The following IFI27 variants were observed in gnomAD, a reference collection of about 807,000 sequenced individuals.
IFI27 encodes interferon alpha-inducible protein 27, mitochondrial.
In IFI27, 3 loss-of-function variants were observed where a neutral mutation model predicts 8.9. The ratio of observed to expected loss-of-function variants is 0.34; its 90% CI spans 0.15 to 0.87. The LOEUF (loss-of-function observed/expected upper bound fraction) is 0.87. Ranked by LOEUF, IFI27 falls within the 40% of genes least tolerant of loss-of-function variation. The pLI, the probability that IFI27 is intolerant of heterozygous loss-of-function variation, is 0.51. For synonymous variants in IFI27, 66 were observed against 67.3 expected (o/e 0.98, Z 0.09); for missense variants, 152 against 157.7 (o/e 0.96, Z 0.19).
chr14:94,116,034 A>T lies in IFI27; in HGVS notation c.283+92A>T. ...CCCAATCTCAACCCTATGAACCTCA[A>T]TCTCCCTGTTCCTCTGTCTCTCTCT... On this transcript the variant is annotated intron_variant, in intron 4 of 4. Transcript: ENST00000621160. This position sits in a 1 kb window ranked among gnomAD's most constrained non-coding sequence, Gnocchi z 4.3. 8.3e-7 allele frequency: 1 copy of T among 1,205,066 alleles called. No individual in the cohort carries two copies. Among genetic ancestry groups the T allele is most frequent in the South Asian group, 1.3e-5 (1 of 77,308 alleles). 74.6% of individuals were successfully genotyped at this position (1,205,066 alleles called of 1,614,324 possible).
rs1294107580 is a variant in IFI27, at chr14:94,111,731, G to A, written c.49G>A (p.Val17Met). 6.2e-7 allele frequency: 1 copy of A among 1,614,232 alleles called. No homozygotes were observed. Among genetic ancestry groups the A allele is most frequent in the South Asian group, 1.1e-5 (1 of 91,088 alleles). The change falls in exon 2 of 5, where the codon GTG (valine) becomes ATG (methionine). Residue 17 changes from valine (V) to methionine (M), a missense_variant. Val to Met is a conservative substitution (Grantham distance 21). Transcript: ENST00000621160. This position sits in a 1 kb window ranked among gnomAD's most constrained non-coding sequence, Gnocchi z 4.3. ...ATCAGCAGTGACCAGTGTGGCCAAA[G>A]TGGTCAGGGTGGCCTCTGGCTCTGC...
intron 2 of IFI27, chr14:94,113,074 TAAG>T (rs1887252713): frequency 1.3e-5 from 2 of 152,228 alleles, no homozygotes; most frequent in Admixed American, 1.3e-4. Flanking sequence ...CAGAGGAAGA[TAAG>T]AAGATAATAT....
chr14:94,116,632 A>G lies in IFI27; in HGVS notation c.*105A>G. 1.3e-6 allele frequency: 1 copy of G among 749,608 alleles called. No homozygotes were observed. Among genetic ancestry groups the G allele is most frequent in the Non-Finnish European group, 2.3e-6 (1 of 429,992 alleles). 46.4% of individuals were successfully genotyped at this position (749,608 alleles called of 1,614,324 possible). A position where few individuals can be genotyped will look rare whatever the true frequency, so the allele number is the denominator to read the frequency against. On this transcript the variant is annotated 3_prime_UTR_variant, in exon 5 of 5. Coordinates refer to ENST00000621160, the Ensembl canonical transcript of IFI27. This position sits in a 1 kb window ranked among gnomAD's most constrained non-coding sequence, Gnocchi z 4.3. ...AACTATCCCAAATATACCTGGGGTG[A>G]AATATACCAAATTCTGCATCTCCAG...
chr14:94,114,956 C>A, intron 3 of IFI27, 76 bp downstream of exon 3: 6 of 1,346,772 alleles, frequency 4.5e-6, no homozygotes, highest in Middle Eastern at 1.8e-4. Flanking sequence ...TGGCCTTGTC[C>A]ATGCCAATGT....
At chr14:94,114,593 C>A in intron 2 of IFI27, 1 of 525,486 alleles carries the variant, frequency 1.9e-6, no homozygotes, top group Non-Finnish European at 3.4e-6. Context: ...TTCCCCCGAT[C>A]AACCAACCAA....
Position 94,111,562 on chromosome 14 carries a change from G to C in IFI27, c.-58-63G>C, listed in dbSNP as rs571626073. Reference sequence around the variant, plus strand: ...CCCTGGAGCCCGTCACATTTTTCAGGACAGTGGGAAGCAAGTCAGGTTGTG... The same window carrying C: ...CCCTGGAGCCCGTCACATTTTTCAGCACAGTGGGAAGCAAGTCAGGTTGTG... On this transcript the variant is annotated intron_variant, in intron 1 of 4. Coordinates refer to ENST00000621160, the Ensembl canonical transcript of IFI27. The surrounding 1 kb of genome is among the most constrained non-coding windows in gnomAD (Gnocchi z 4.3). 448 of 780,628 alleles carry C rather than the reference G, an allele frequency of 5.7e-4. No homozygotes were observed. Among genetic ancestry groups the C allele is most frequent in the Non-Finnish European group, 4.3e-4 (192 of 449,226 alleles). The allele number at this position is 780,628 out of a possible 1,614,324, so 48.4% of individuals were successfully genotyped here. A position where few individuals can be genotyped will look rare whatever the true frequency, so the allele number is the denominator to read the frequency against.
chr14:94,109,803 G>A (rs921620612), upstream of IFI27, among the ~76,000 whole-genome samples: 77 of 152,294 alleles, frequency 5.1e-4, no homozygotes, highest in African/African-American at 1.7e-3. Flanking sequence ...CTTACAACTC[G>A]CACACTACTC....
At chr14:94,115,248 G>A (rs1222036001) in intron 3 of IFI27, 2 of 578,238 alleles carry the variant, frequency 3.5e-6, no homozygotes, top group South Asian at 1.5e-5. Context: ...GGATTGCATA[G>A]GGTGAAACAA....
intron 3 of IFI27, 25 bp from the exon 4 acceptor site, chr14:94,115,756 C>G (rs765700532): frequency 1.3e-6 from 2 of 1,599,502 alleles, no homozygotes; most frequent in African/African-American, 1.3e-5. Flanking sequence ...AGCCCACGCA[C>G]CGACCCAGCT....
At chr14:94,115,331 G>C (rs184037703) in intron 3 of IFI27, 2 of 519,666 alleles carry the variant, frequency 3.8e-6, no homozygotes, top group East Asian at 5.2e-5. Context: ...CTTCCAGTGT[G>C]CTCTGTGGCA....
At chr14:94,110,017 A>G (rs1887110556), upstream of IFI27, among the ~76,000 whole-genome samples, 1 of 152,056 alleles carries the variant, frequency 6.6e-6, no homozygotes, top group Non-Finnish European at 1.5e-5. Context: ...CAGGGCCTGG[A>G]TCCCTGTTAA....
intron 3 of IFI27, chr14:94,115,388 C>T: frequency 5.6e-6 from 3 of 533,464 alleles, no homozygotes; most frequent in South Asian, 3.1e-5. Flanking sequence ...TCTGAATGTG[C>T]CTCTTACATA....
At position 94,116,561 on chromosome 14, in the gene IFI27, A is replaced by G. The variant is rs1342299683; in HGVS notation, c.*34A>G. 10 of 1,554,556 alleles carry G rather than the reference A, an allele frequency of 6.4e-6. No homozygotes were observed. The highest frequency in any genetic ancestry group is 7.9e-6 in the Non-Finnish European group (9 of 1,133,376). ...CCCTCGCCCTGCAGAGAAGAGAACC[A>G]TGCCAGGGGAGAAGGCACCCAGCCA... On this transcript the variant is annotated 3_prime_UTR_variant, in exon 5 of 5. Coordinates refer to ENST00000621160, the Ensembl canonical transcript of IFI27. This position sits in a 1 kb window ranked among gnomAD's most constrained non-coding sequence, Gnocchi z 4.3.
chr14:94,110,968 G>T lies in IFI27; in HGVS notation c.-59+171G>T, dbSNP rs542621119. The T allele has an allele frequency of 3.8e-4, 58 of 154,532 alleles. 1 individual carries two copies. Among genetic ancestry groups the T allele is most frequent in the African/African-American group, 1.3e-3 (54 of 41,640 alleles). 9.6% of individuals were successfully genotyped at this position (154,532 alleles called of 1,614,324 possible). The stretch of plus-strand genomic sequence containing the variant: ...GGGACTCGAGCCCCACCTGTCCCTG[G>T]ACTCTGGAATGTAAGGACAATTAGC... On this transcript the variant is annotated intron_variant, in intron 1 of 4. Coordinates refer to ENST00000621160, the Ensembl canonical transcript of IFI27.
At chr14:94,112,113 T>C (rs564519396) in intron 2 of IFI27, 117 of 373,248 alleles carry the variant, frequency 3.1e-4, no homozygotes, top group Admixed American at 3.1e-4. Context: ...TCATCTCCTT[T>C]AGGAGTTTAC....
In IFI27 at chr14:94,116,247, TG is replaced by T; in HGVS notation, c.284-190del. 1 of 647,930 alleles carries T rather than the reference TG, an allele frequency of 1.5e-6. No homozygotes were observed. Among genetic ancestry groups the T allele is most frequent in the Admixed American group, 2.3e-5 (1 of 43,738 alleles). 40.1% of individuals were successfully genotyped at this position (647,930 alleles called of 1,614,324 possible). A position where few individuals can be genotyped will look rare whatever the true frequency, so the allele number is the denominator to read the frequency against. ...CTGCTTCTAGCTCTGGAGTTCACCA[TG>T]GGGGTTCATGCCTGCAGCAGCCTCT... On this transcript the variant is annotated intron_variant, in intron 4 of 4. Transcript: ENST00000621160. The surrounding 1 kb of genome is among the most constrained non-coding windows in gnomAD (Gnocchi z 4.3).
In IFI27 at chr14:94,111,736, C is replaced by G; in HGVS notation, c.54C>G (p.Val18=). 2.5e-6 allele frequency: 4 copies of G among 1,614,240 alleles called. No individual in the cohort carries two copies. The highest frequency in any genetic ancestry group is 3.4e-6 in the Non-Finnish European group (4 of 1,180,018). Reference sequence around the variant, plus strand: ...CAGTGACCAGTGTGGCCAAAGTGGTCAGGGTGGCCTCTGGCTCTGCCGTAG... The same window carrying G: ...CAGTGACCAGTGTGGCCAAAGTGGTGAGGGTGGCCTCTGGCTCTGCCGTAG... The change falls in exon 2 of 5, where the codon GTC becomes GTG. Residue 18 remains valine, a synonymous_variant. Coordinates refer to ENST00000621160, the Ensembl canonical transcript of IFI27. The surrounding 1 kb of genome is among the most constrained non-coding windows in gnomAD (Gnocchi z 4.3).
upstream of IFI27, among the ~76,000 whole-genome samples, chr14:94,110,496 C>G (rs1887136849): frequency 6.6e-6 from 1 of 152,248 alleles, no homozygotes; most frequent in East Asian, 1.9e-4. Flanking sequence ...GTAGAGCACA[C>G]TCCCATCCTT....
At chr14:94,108,434 G>A (rs976743629), upstream of IFI27, among the ~76,000 whole-genome samples, 30 of 152,306 alleles carry the variant, frequency 2.0e-4, 2 homozygotes, top group Admixed American at 1.3e-3. Context: ...TATGCTGGCC[G>A]TGTATTGTTC....
Sources: gnomAD v4.1 joint callset for allele counts (sites outside exome capture counted in the v4.1 genomes callset) on GRCh38, gnomAD v4.1.1 for gene constraint, Gnocchi (gnomAD v3.1) non-coding constraint, MANE v1.5 for transcripts, NCBI Gene and HGNC (gene_info 2026-07-23, HGNC 2026-07-21) for gene names.